PAM: variants seen among roughly 807,000 people sequenced by gnomAD.
The protein encoded by PAM is peptidyl-glycine alpha-amidating monooxygenase.
A neutral mutation model predicts 122.1 loss-of-function variants in PAM; 72 were observed. The ratio of observed to expected loss-of-function variants is 0.59; its 90% CI spans 0.49 to 0.72. PAM has a LOEUF of 0.72. Among genes scored for constraint, PAM ranks in the 30% least tolerant of loss-of-function variants. The pLI is 0.00. For synonymous variants in PAM, 389 were observed against 404.4 expected (o/e 0.96, Z 0.46); for missense variants, 1,106 against 1,183.7 (o/e 0.93, Z 0.96).
chr5:102,789,364 T>C (rs183566934), intron 1 of PAM, among the ~76,000 whole-genome samples: 1 of 152,226 alleles, frequency 6.6e-6, no homozygotes, highest in Admixed American at 6.5e-5. Flanking sequence ...TTATTCGTAA[T>C]AGCCAAAAGG....
chr5:102,981,004 C>A (rs533092117), intron 15 of PAM, among the ~76,000 whole-genome samples: 3 of 152,054 alleles, frequency 2.0e-5, no homozygotes, highest in Non-Finnish European at 4.4e-5. Flanking sequence ...TAAATATGTT[C>A]TAGATATTTA....
chr5:102,829,100 T>C (rs537218146), intron 1 of PAM, among the ~76,000 whole-genome samples: 11 of 152,074 alleles, frequency 7.2e-5, no homozygotes, highest in Non-Finnish European at 1.5e-4. Context: ...AAACACTCAG[T>C]AAATGGTCAT....
At chr5:103,023,586 A>T (rs1562278085) in intron 23 of PAM, among the ~76,000 whole-genome samples, 1 of 151,906 alleles carries the variant, frequency 6.6e-6, no homozygotes, top group Non-Finnish European at 1.5e-5. Context: ...GACATAGAAA[A>T]GTTATATTTG....
chr5:103,017,959 G>A (rs1388489001), intron 22 of PAM, among the ~76,000 whole-genome samples: 1 of 152,162 alleles, frequency 6.6e-6, no homozygotes, highest in African/African-American at 2.4e-5. Context: ...TGTTGTCTAA[G>A]TATAGATTTG....
chr5:102,887,417 C>G (rs185561736), intron 3 of PAM, among the ~76,000 whole-genome samples: 2 of 152,078 alleles, frequency 1.3e-5, no homozygotes, highest in East Asian at 3.9e-4. Flanking sequence ...CTTGATCCTT[C>G]CAGCCACTAG....
intron 16 of PAM, among the ~76,000 whole-genome samples, 177 bp from the exon 17 acceptor site, chr5:103,002,856 T>C (rs1234731249): frequency 6.6e-6 from 1 of 152,168 alleles, no homozygotes; most frequent in Non-Finnish European, 1.5e-5. Context: ...CTGAGTAGCA[T>C]GGTTCTACAG....
chr5:102,969,317 T>C (rs937711504), intron 14 of PAM, among the ~76,000 whole-genome samples: 7 of 151,218 alleles, frequency 4.6e-5, no homozygotes, highest in African/African-American at 1.7e-4. Flanking sequence ...CAGAAATATA[T>C]AGCTGAACAG....
chr5:103,000,233 A>G (rs569115163), intron 16 of PAM, among the ~76,000 whole-genome samples: 4 of 152,204 alleles, frequency 2.6e-5, no homozygotes, highest in Non-Finnish European at 5.9e-5. Context: ...TCAAAGTTCC[A>G]CAGATCTCTA....
chr5:102,835,876 T>C (rs1015640564), intron 1 of PAM, among the ~76,000 whole-genome samples: 1 of 152,156 alleles, frequency 6.6e-6, no homozygotes, highest in Non-Finnish European at 1.5e-5. Context: ...CTATATATTA[T>C]AGTAGTTGAG....
At chr5:102,932,112 T>C (rs1751741817) in intron 7 of PAM, among the ~76,000 whole-genome samples, 1 of 152,198 alleles carries the variant, frequency 6.6e-6, no homozygotes, top group African/African-American at 2.4e-5. Context: ...ATGATTGTTT[T>C]CAATAGCCAA....
In PAM at chr5:102,974,395, C is replaced by A; in HGVS notation, c.1442C>A (p.Pro481His). 6 of 1,613,748 alleles carry A rather than the reference C, an allele frequency of 3.7e-6. No homozygotes were observed. Among genetic ancestry groups the A allele is most frequent in the Non-Finnish European group, 5.1e-6 (6 of 1,179,758 alleles). The change falls in exon 15 of 26, where the codon CCC (proline) becomes CAC (histidine). Residue 481 changes from proline (P) to histidine (H), a missense_variant. By Grantham distance (77) the Pro-to-His change is moderately conservative. Coordinates refer to ENST00000438793, the MANE Select transcript of PAM (RefSeq NM_001177306.2). ...PESRVFSLQQPPPGEGTWEPE... is the reference protein window; with the variant it reads ...PESRVFSLQQHPPGEGTWEPE... ...AGCAGAGTTTTCTCATTACAGCAGC[C>A]CCCACCTGGTGAAGGCACCTGGGAA...
chr5:102,985,894 A>G (rs1771661018), intron 15 of PAM, among the ~76,000 whole-genome samples: 1 of 152,220 alleles, frequency 6.6e-6, no homozygotes, highest in South Asian at 2.1e-4. Context: ...ATAATGCATC[A>G]TGAGCAAGTG....
At chr5:102,978,104 A>G (rs1768371668) in intron 15 of PAM, among the ~76,000 whole-genome samples, 1 of 152,160 alleles carries the variant, frequency 6.6e-6, no homozygotes, top group Non-Finnish European at 1.5e-5. Flanking sequence ...CAAAGTATAA[A>G]TATTGATTAT....
At chr5:103,005,923 T>G (rs1261943242) in intron 18 of PAM, among the ~76,000 whole-genome samples, 1 of 145,488 alleles carries the variant, frequency 6.9e-6, no homozygotes, top group Non-Finnish European at 1.5e-5. Context: ...GTTGTTGTTG[T>G]TGTTGTTGTT....
intron 3 of PAM, among the ~76,000 whole-genome samples, chr5:102,883,065 C>G (rs1458508272): frequency 1.3e-5 from 2 of 151,648 alleles, no homozygotes; most frequent in African/African-American, 4.8e-5. Flanking sequence ...GTATTTTGTT[C>G]CATTGGTCTA....
chr5:102,894,069 T>TAGAAA, intron 3 of PAM, among the ~76,000 whole-genome samples: 1 of 151,592 alleles, frequency 6.6e-6, no homozygotes, highest in African/African-American at 2.4e-5. Flanking sequence ...CTATGTACCA[T>TAGAAA]TGCTGCAGGC....
chr5:102,857,540 G>C (rs1192746826), intron 1 of PAM, among the ~76,000 whole-genome samples: 1 of 152,184 alleles, frequency 6.6e-6, no homozygotes, highest in African/African-American at 2.4e-5. Context: ...AATGAGTAAT[G>C]TTTATAAAGT....
chr5:102,886,361 A>G (rs1282767746), intron 3 of PAM, among the ~76,000 whole-genome samples: 2 of 152,016 alleles, frequency 1.3e-5, no homozygotes, highest in Non-Finnish European at 2.9e-5. Flanking sequence ...TAATAGAGTT[A>G]ATTCAGGCAT....
At chr5:102,914,589 C>A (rs1802547781) in intron 5 of PAM, among the ~76,000 whole-genome samples, 1 of 152,060 alleles carries the variant, frequency 6.6e-6, no homozygotes, top group Non-Finnish European at 1.5e-5. Context: ...GTTTATTGAG[C>A]ACTCTTTCTC....
Sources: gnomAD v4.1 joint callset for allele counts (sites outside exome capture counted in the v4.1 genomes callset) on GRCh38, gnomAD v4.1.1 for gene constraint, MANE v1.5 for transcripts, NCBI Gene and HGNC (gene_info 2026-07-23, HGNC 2026-07-21) for gene names.